DNAH11: variants seen among roughly 807,000 people sequenced by gnomAD.
DNAH11 encodes axonemal beta dynein heavy chain 11.
DNAH11 carries 442 observed loss-of-function variants against 526.0 expected under a neutral mutation model. That is an observed-to-expected ratio of 0.84 (90% CI 0.78 to 0.91). The LOEUF (loss-of-function observed/expected upper bound fraction) is 0.91, where lower values mean the gene tolerates loss of function less well. DNAH11 is among the 40% of genes least tolerant of loss of function. The pLI, the probability that DNAH11 is intolerant of heterozygous loss-of-function variation, is 0.00. For synonymous variants in DNAH11, 2,461 were observed against 1,935.9 expected (o/e 1.27, Z -7.12); for missense variants, 6,989 against 5,448.7 (o/e 1.28, Z -8.90).
At chr7:21,890,164 G>T (rs1784280883) in intron 76 of DNAH11, among the ~76,000 whole-genome samples, 1 of 152,190 alleles carries the variant, frequency 6.6e-6, no homozygotes, top group South Asian at 2.1e-4. Context: ...CTGATGAAAA[G>T]ATTGAAATGC....
intron 66 of DNAH11, among the ~76,000 whole-genome samples, chr7:21,845,611 C>G (rs150877767): frequency 6.6e-6 from 1 of 152,220 alleles, no homozygotes; most frequent in East Asian, 1.9e-4. Context: ...ATCAATATCA[C>G]ACCGCCTTGA....
At chr7:21,805,339 A>G (rs1454608081) in intron 62 of DNAH11, among the ~76,000 whole-genome samples, 1 of 152,114 alleles carries the variant, frequency 6.6e-6, no homozygotes, top group Admixed American at 6.6e-5. Flanking sequence ...AGAACAGGAA[A>G]CTTCACCATT....
At chr7:21,594,498 C>A (rs1259558543) in intron 14 of DNAH11, among the ~76,000 whole-genome samples, 1 of 152,008 alleles carries the variant, frequency 6.6e-6, no homozygotes, top group Admixed American at 6.5e-5. Flanking sequence ...AACTGGTACG[C>A]GCTGCAGGAA....
At chr7:21,647,531 G>A (rs1173134556) in intron 28 of DNAH11, among the ~76,000 whole-genome samples, 7 of 147,200 alleles carry the variant, frequency 4.8e-5, no homozygotes, top group East Asian at 4.1e-4. Flanking sequence ...CCAGGTTCAC[G>A]CCATTCTCCT....
intron 21 of DNAH11, 36 bp downstream of exon 21, chr7:21,615,308 A>G (rs1785718947): frequency 6.2e-7 from 1 of 1,602,130 alleles, no homozygotes; most frequent in Non-Finnish European, 8.5e-7. Context: ...CTTTTTATTT[A>G]GTAGTTCTTT....
intron 74 of DNAH11, among the ~76,000 whole-genome samples, 152 bp from the exon 75 acceptor site, chr7:21,880,550 G>T (rs1333726979): frequency 6.6e-6 from 1 of 152,342 alleles, no homozygotes; most frequent in East Asian, 1.9e-4. Context: ...ATAATCTCCT[G>T]TTAAGCTTCT....
intron 54 of DNAH11, among the ~76,000 whole-genome samples, chr7:21,753,322 C>A (rs984189537): frequency 6.6e-6 from 1 of 152,158 alleles, no homozygotes. Context: ...GCAAATGCTT[C>A]CCATGCTGCC....
chr7:21,679,341 A>G (rs1316992086), intron 30 of DNAH11, among the ~76,000 whole-genome samples: 1 of 152,238 alleles, frequency 6.6e-6, no homozygotes, highest in African/African-American at 2.4e-5. Context: ...ATAATTAATA[A>G]TAACGTAGTG....
rs367640600 is a variant in DNAH11, at chr7:21,599,948, T to G, written c.2829T>G (p.Phe943Leu). 1.1e-5 allele frequency: 17 copies of G among 1,613,664 alleles called. No homozygotes were observed. In the African/African-American group the frequency reaches 2.1e-4, roughly 20 times the overall value. Residue 943 changes from phenylalanine to leucine, a missense_variant, in exon 15 of 82, where the codon TTT becomes TTG. Transcript: ENST00000409508. ...NTEKQLKPAP[F>L]FQAQMILLPP... is the part of the protein sequence containing the mutation. ...AGAAACAATTGAAACCGGCACCGTTTTTTCAAGCACAAATGATCTTGTTGC... is the reference window on the plus strand; with the variant it reads ...AGAAACAATTGAAACCGGCACCGTTGTTTCAAGCACAAATGATCTTGTTGC...
Position 21,773,886 on chromosome 7 carries a change from C to T in DNAH11, c.9223C>T (p.Leu3075=), listed in dbSNP as rs1371974138. 1 of 1,604,790 alleles carries T rather than the reference C, an allele frequency of 6.2e-7. No homozygotes were observed. Residue 3075 remains leucine, a synonymous_variant, in exon 56 of 82, where the codon CTA becomes TTA. Transcript: ENST00000409508. ...CAACTATACCACCCCAAAGAGTTTT[C>T]TAGAACAAATATCACTGTTTAAGAA... The part of the protein sequence containing the change: ...RHNYTTPKSF[L]EQISLFKNLL...
At chr7:21,873,641 G>T in intron 74 of DNAH11, 140 bp downstream of exon 74, 2 of 780,566 alleles carry the variant, frequency 2.6e-6, no homozygotes, top group Non-Finnish European at 4.2e-6. Context: ...GTAGGGGTGG[G>T]CGTGTTTTAA....
Position 21,619,360 on chromosome 7 carries a change from G to A in DNAH11, c.4377+138G>A, listed in dbSNP as rs1166796187. 3.2e-6 allele frequency: 3 copies of A among 949,910 alleles called. No homozygotes were observed. The East Asian group carries it at 8.1e-5, about 26-fold the overall frequency. 58.8% of individuals were successfully genotyped at this position (949,910 alleles called of 1,614,324 possible). A position where few individuals can be genotyped will look rare whatever the true frequency, so the allele number is the denominator to read the frequency against. ...CAGTTTGTTCCCTGCTGTTCATTAG[G>A]TGTGGGATGAGCAGGAACTAGAATC... On this transcript the variant is annotated intron_variant, in intron 24 of 81. Coordinates refer to ENST00000409508, the MANE Select transcript of DNAH11 (RefSeq NM_001277115.2).
chr7:21,737,542 C>G (rs1298736415), intron 46 of DNAH11, among the ~76,000 whole-genome samples: 1 of 152,126 alleles, frequency 6.6e-6, no homozygotes, highest in African/African-American at 2.4e-5. Flanking sequence ...GAAGAGAGAT[C>G]TGAGTTGGGG....
intron 73 of DNAH11, among the ~76,000 whole-genome samples, chr7:21,872,925 A>G (rs764895726): frequency 3.3e-5 from 5 of 152,182 alleles, no homozygotes; most frequent in African/African-American, 4.8e-5. Flanking sequence ...ATGTCTCAGT[A>G]ATTGTATTTG....
chr7:21,874,225 G>A (rs112393277), intron 74 of DNAH11, among the ~76,000 whole-genome samples: 2 of 152,080 alleles, frequency 1.3e-5, no homozygotes, highest in African/African-American at 4.8e-5. Context: ...TTTTAGCCCG[G>A]TTTGATATGA....
At chr7:21,590,874 CATT>C (rs1784648809) in intron 12 of DNAH11, 41 bp from the exon 13 acceptor site, 1 of 1,128,448 alleles carries the variant, frequency 8.9e-7, no homozygotes, top group Non-Finnish European at 1.2e-6. Flanking sequence ...AATAGAATGA[CATT>C]ATGAAAATAT....
intron 28 of DNAH11, 146 bp downstream of exon 28, chr7:21,639,211 G>A: frequency 9.9e-7 from 1 of 1,009,298 alleles, no homozygotes. Context: ...TAGCATCAGA[G>A]GGATGTCAGA....
chr7:21,819,457 A>G (rs191867488), intron 65 of DNAH11, among the ~76,000 whole-genome samples: 267 of 152,340 alleles, frequency 1.8e-3, no homozygotes, highest in South Asian at 0.012. Flanking sequence ...CTAACAAGCC[A>G]CTTGACAAAC....
chr7:21,801,309 A>G (rs1354210318), intron 62 of DNAH11, 34 bp downstream of exon 62: 2 of 1,612,236 alleles, frequency 1.2e-6, no homozygotes, highest in Admixed American at 1.7e-5. Flanking sequence ...TCTAACTAAA[A>G]TGTTCAGATC....
Sources: gnomAD v4.1 joint callset for allele counts (sites outside exome capture counted in the v4.1 genomes callset) on GRCh38, gnomAD v4.1.1 for gene constraint, MANE v1.5 for transcripts, NCBI Gene and HGNC (gene_info 2026-07-23, HGNC 2026-07-21) for gene names.